Variants in RXFP1 observed in about 807,000 individuals in gnomAD.
RXFP1 encodes the protein relaxin receptor 1.
In RXFP1, 73 loss-of-function variants were observed where a neutral mutation model predicts 89.8. That is an observed-to-expected ratio of 0.81 (90% CI 0.67 to 0.99). The LOEUF is 0.99. RXFP1 is among the 50% of genes least tolerant of loss of function. RXFP1 has a pLI of 0.00. For missense variants in RXFP1, 793 were observed against 895.5 expected, an observed-to-expected ratio of 0.89 and a Z score of 1.46; for synonymous variants, 277 against 305.5, an observed-to-expected ratio of 0.91 and a Z score of 0.97.
chr4:158,547,700 A>G (rs61280046), intron 1 of RXFP1, among the ~76,000 whole-genome samples: 4,847 of 151,994 alleles, frequency 0.032, 247 homozygotes, highest in African/African-American at 0.11. Context: ...CCTTCATTTC[A>G]TTATGTACCC....
intron 14 of RXFP1, among the ~76,000 whole-genome samples, chr4:158,643,999 T>C (rs1225072518): frequency 2.6e-5 from 4 of 151,450 alleles, no homozygotes; most frequent in Admixed American, 1.3e-4. Flanking sequence ...ATTAGTGAGG[T>C]TGAACATTTT....
chr4:158,649,371 A>T (rs557004210), intron 17 of RXFP1, among the ~76,000 whole-genome samples: 40 of 152,194 alleles, frequency 2.6e-4, no homozygotes, highest in Non-Finnish European at 4.9e-4. Flanking sequence ...AATGTAAGAA[A>T]ATTTTCTTCC....
intron 15 of RXFP1, chr4:158,646,285 A>C (rs925194570): frequency 2.2e-6 from 1 of 455,180 alleles, no homozygotes; most frequent in Non-Finnish European, 4.4e-6. Flanking sequence ...ATAATTATAC[A>C]TATCTCTTAA....
chr4:158,622,844 A>C (rs906155264), intron 9 of RXFP1, among the ~76,000 whole-genome samples: 5 of 152,216 alleles, frequency 3.3e-5, no homozygotes, highest in African/African-American at 1.2e-4. Flanking sequence ...CTAAAAGGGT[A>C]GAGTTCAGGC....
At chr4:158,571,675 GA>G (rs200909710) in intron 1 of RXFP1, among the ~76,000 whole-genome samples, 5 of 150,138 alleles carry the variant, frequency 3.3e-5, no homozygotes, top group African/African-American at 7.3e-5. Flanking sequence ...AAAGAAAAAA[GA>G]AAAAAAAATA....
intron 1 of RXFP1, among the ~76,000 whole-genome samples, chr4:158,554,907 C>G (rs1320139161): frequency 2.6e-5 from 4 of 152,088 alleles, no homozygotes; most frequent in Non-Finnish European, 5.9e-5. Flanking sequence ...AACCATGTCA[C>G]TAGCTATATG....
intron 9 of RXFP1, among the ~76,000 whole-genome samples, chr4:158,617,977 A>C (rs1413529268): frequency 6.6e-6 from 1 of 152,188 alleles, no homozygotes; most frequent in Non-Finnish European, 1.5e-5. Flanking sequence ...TATCAACTTG[A>C]TAAAAAAGCA....
chr4:158,639,430 G>T (rs1769914652), intron 14 of RXFP1, 99 bp downstream of exon 14: 4 of 716,788 alleles, frequency 5.6e-6, no homozygotes, highest in South Asian at 1.7e-5. Context: ...CTACTAATTT[G>T]CCAGCTATAA....
intron 1 of RXFP1, chr4:158,544,248 T>A: frequency 1.0e-6 from 1 of 985,322 alleles, no homozygotes; most frequent in Non-Finnish European, 1.2e-6. Flanking sequence ...TATGTCTATT[T>A]ACATACATCA....
chr4:158,586,473 A>G (rs1244661266), intron 2 of RXFP1, among the ~76,000 whole-genome samples: 1 of 152,156 alleles, frequency 6.6e-6, no homozygotes, highest in Admixed American at 6.6e-5. Flanking sequence ...TGCTTGTTCC[A>G]CTACCCTAGA....
At chr4:158,556,615 T>C (rs1751369994) in intron 1 of RXFP1, among the ~76,000 whole-genome samples, 4 of 152,180 alleles carry the variant, frequency 2.6e-5, no homozygotes, top group African/African-American at 4.8e-5. Context: ...TGCACTCTTA[T>C]ATTTACTGCA....
intron 2 of RXFP1, among the ~76,000 whole-genome samples, chr4:158,575,976 G>T (rs1413275815): frequency 6.6e-6 from 1 of 152,138 alleles, no homozygotes; most frequent in Non-Finnish European, 1.5e-5. Flanking sequence ...ATTTTCTCAA[G>T]CACCTGCAGT....
chr4:158,524,106 C>G (rs1741864730), intron 1 of RXFP1, among the ~76,000 whole-genome samples: 2 of 152,128 alleles, frequency 1.3e-5, no homozygotes, highest in South Asian at 4.2e-4. Flanking sequence ...GTGTTCCATT[C>G]TTTATTACAA....
chr4:158,652,180 A>G lies in RXFP1; in HGVS notation c.*125A>G, dbSNP rs1450925059. On this transcript the variant is annotated 3_prime_UTR_variant, in exon 18 of 18. Coordinates refer to ENST00000307765, the MANE Select transcript of RXFP1 (RefSeq NM_021634.4). ...TAGCTAAGATAAATATTTTACAAGG[A>G]CATGAGGAAAAATAAAAATGACTAA... 2.6e-6 allele frequency: 2 copies of G among 770,172 alleles called. No individual in the cohort carries two copies. The allele number at this position is 770,172 out of a possible 1,614,324, so 47.7% of individuals were successfully genotyped here.
At position 158,528,102 on chromosome 4, in the gene RXFP1, T is replaced by C. The variant is rs561241975; in HGVS notation, c.49+6077T>C. Among the ~76,000 whole-genome samples the C allele has an allele frequency of 5.9e-5, 9 of 152,308 alleles. No homozygotes were observed. In the East Asian group the frequency reaches 1.7e-3, roughly 29 times the overall value. Reference sequence around the variant, plus strand: ...CATACCTACCTTGTGGAAAAACATTTAAATCATTCTCACAACCAAGGAGAG... The same window carrying C: ...CATACCTACCTTGTGGAAAAACATTCAAATCATTCTCACAACCAAGGAGAG... On this transcript the variant is annotated intron_variant, in intron 1 of 17. Transcript: ENST00000307765.
chr4:158,541,315 T>G (rs1464124772), intron 1 of RXFP1, among the ~76,000 whole-genome samples: 1 of 146,748 alleles, frequency 6.8e-6, no homozygotes, highest in African/African-American at 2.5e-5. Context: ...TAAAATTCTT[T>G]GTGACTTATA....
intron 1 of RXFP1, chr4:158,543,856 G>A (rs1747480092): frequency 1.0e-6 from 1 of 985,104 alleles, no homozygotes; most frequent in Non-Finnish European, 1.2e-6. Flanking sequence ...AAGACAGAGT[G>A]GCATGCCAAA....
intron 11 of RXFP1, among the ~76,000 whole-genome samples, chr4:158,630,147 G>A (rs1285049817): frequency 2.0e-5 from 3 of 152,144 alleles, no homozygotes; most frequent in South Asian, 2.1e-4. Context: ...GAGCAGGAAC[G>A]TTTCTCAGGT....
chr4:158,557,867 G>A (rs1054456603), intron 1 of RXFP1, among the ~76,000 whole-genome samples: 5 of 152,150 alleles, frequency 3.3e-5, no homozygotes, highest in African/African-American at 7.2e-5. Context: ...GCTCCAGTAG[G>A]TGTTTCAATT....
Sources: allele counts gnomAD v4.1 joint callset (sites outside exome capture counted in the v4.1 genomes callset), GRCh38; gene constraint gnomAD v4.1.1; transcripts MANE v1.5; gene names NCBI Gene and HGNC (gene_info 2026-07-23, HGNC 2026-07-21).